Variants in RGS6 observed in about 807,000 individuals in gnomAD.
RGS6 encodes the protein regulator of G-protein signaling 6.
A neutral mutation model predicts 78.5 loss-of-function variants in RGS6; 30 were observed. The ratio of observed to expected loss-of-function variants is 0.38; its 90% CI spans 0.29 to 0.52. The LOEUF is 0.52. Ranked by LOEUF, RGS6 falls within the 20% of genes least tolerant of loss-of-function variation. The probability of loss-of-function intolerance (pLI) is 0.85; values close to 1 mark genes in which losing one functional copy is unlikely to be tolerated. For synonymous variants in RGS6, 206 were observed against 206.0 expected (o/e 1.00, Z 0.00); for missense variants, 495 against 609.7 (o/e 0.81, Z 1.98).
chr14:72,122,739 CG>C (rs768722763), intron 2 of RGS6, among the ~76,000 whole-genome samples: 188 of 125,316 alleles, frequency 1.5e-3, no homozygotes, highest in African/African-American at 5.2e-3. Flanking sequence ...TCTAAGTTAT[CG>C]TTTTTTTTTT....
chr14:72,168,984 C>G (rs2096969841), intron 2 of RGS6, among the ~76,000 whole-genome samples: 2 of 152,250 alleles, frequency 1.3e-5, no homozygotes, highest in Non-Finnish European at 2.9e-5. Context: ...AGAAGATAGT[C>G]TTCCTCACCT....
At chr14:72,502,124 A>G (rs536893624) in intron 13 of RGS6, among the ~76,000 whole-genome samples, 1 of 152,274 alleles carries the variant, frequency 6.6e-6, no homozygotes, top group East Asian at 1.9e-4. Flanking sequence ...GGTGGCTTCC[A>G]CCTTGGTCAT....
At chr14:71,925,578 T>C in the RGS6 span, among the ~76,000 whole-genome samples, 1 of 152,176 alleles carries the variant, frequency 6.6e-6, no homozygotes, top group Non-Finnish European at 1.5e-5. Flanking sequence ...TTGACTTTTG[T>C]CTATGGTGTA....
chr14:72,555,737 T>G (rs2097565516), intron 17 of RGS6, among the ~76,000 whole-genome samples: 1 of 152,238 alleles, frequency 6.6e-6, no homozygotes, highest in Non-Finnish European at 1.5e-5. Context: ...CCTTGTTCGT[T>G]TAGTGGAGTT....
intron 2 of RGS6, among the ~76,000 whole-genome samples, chr14:72,161,115 A>G (rs1229402269): frequency 6.6e-6 from 1 of 152,210 alleles, no homozygotes; most frequent in Non-Finnish European, 1.5e-5. Flanking sequence ...GCTGGAAACC[A>G]TCATTCTCAG....
At chr14:71,882,705 T>C in the RGS6 span, among the ~76,000 whole-genome samples, 193 of 152,376 alleles carry the variant, frequency 1.3e-3, no homozygotes, top group Non-Finnish European at 2.2e-3. Context: ...AAAAGAAAGC[T>C]AATCCAAGGT....
intron 2 of RGS6, among the ~76,000 whole-genome samples, chr14:72,166,959 A>G (rs180792482): frequency 7.4e-4 from 112 of 152,300 alleles, no homozygotes; most frequent in Non-Finnish European, 1.4e-3. Context: ...TGTTTTTGCC[A>G]GGTATTGTTT....
At chr14:72,201,486 G>T (rs189914076) in intron 2 of RGS6, among the ~76,000 whole-genome samples, 1 of 152,212 alleles carries the variant, frequency 6.6e-6, no homozygotes, top group East Asian at 1.9e-4. Flanking sequence ...CACTAAATTC[G>T]ACTTTTTAAA....
chr14:71,871,905 C>T, the RGS6 span, among the ~76,000 whole-genome samples: 1 of 152,038 alleles, frequency 6.6e-6, no homozygotes, highest in Non-Finnish European at 1.5e-5. Flanking sequence ...GTCCTGTCAC[C>T]CACTTACATC....
rs147071758 is a variant in RGS6 at position 72,299,076 on chromosome 14, A to G, written c.85-53019A>G. ...AATTTATTGGCATAAATTTGTTCAT[A>G]CAATTTCCATATTACCTTTTATTGT... On this transcript the variant is annotated intron_variant, in intron 2 of 17. Transcript: ENST00000553525. Among the ~76,000 whole-genome samples the G allele has an allele frequency of 5.9e-4, 90 of 152,320 alleles. No homozygotes were observed. The East Asian group carries it at 0.017, about 29-fold the overall frequency.
intron 1 of RGS6, among the ~76,000 whole-genome samples, chr14:71,944,485 G>T (rs2091174393): frequency 2.0e-5 from 3 of 152,158 alleles, no homozygotes; most frequent in Non-Finnish European, 4.4e-5. Context: ...CATTTCAGTT[G>T]TATTGGAGAG....
At chr14:72,502,993 C>A (rs944088328) in intron 13 of RGS6, among the ~76,000 whole-genome samples, 3 of 152,158 alleles carry the variant, frequency 2.0e-5, no homozygotes, top group Non-Finnish European at 4.4e-5. Context: ...AGCAAAAATG[C>A]CATATACTAT....
rs1196710267 is a variant in RGS6, at chr14:72,128,374, A to G, written c.84+163499A>G. 2.0e-5 allele frequency among the ~76,000 whole-genome samples: 3 copies of G among 152,196 alleles called. No homozygotes were observed. The East Asian group carries it at 5.8e-4, about 29-fold the overall frequency. On this transcript the variant is annotated intron_variant, in intron 2 of 17. Transcript: ENST00000553525. Reference sequence around the variant, plus strand: ...ATCAAACTTAAGTAAATTATTGGCCAGTGTCCACAATAGAATTTGTAAATA... The same window carrying G: ...ATCAAACTTAAGTAAATTATTGGCCGGTGTCCACAATAGAATTTGTAAATA...
chr14:71,982,241 C>G lies in RGS6; in HGVS notation c.84+17366C>G, dbSNP rs922181407. Among the ~76,000 whole-genome samples, 4 of 152,146 alleles carry G rather than the reference C, an allele frequency of 2.6e-5. No individual in the cohort carries two copies. In the East Asian group the frequency reaches 7.7e-4, roughly 29 times the overall value. ...CTCAGATGGAAATGCAGAAATCACC[C>G]GTCTTCTGCGTCGCTCAGGCTGGGA... On this transcript the variant is annotated intron_variant, in intron 2 of 17. Coordinates refer to ENST00000553525, the MANE Select transcript of RGS6 (RefSeq NM_001204424.2).
the RGS6 span, among the ~76,000 whole-genome samples, chr14:72,627,144 CA>C: frequency 6.6e-6 from 1 of 152,024 alleles, no homozygotes; most frequent in African/African-American, 2.4e-5. Flanking sequence ...TTTGACTATG[CA>C]AAATGTTTAT....
the RGS6 span, among the ~76,000 whole-genome samples, chr14:72,615,627 T>C: frequency 6.6e-6 from 1 of 152,138 alleles, no homozygotes; most frequent in Non-Finnish European, 1.5e-5. Context: ...CACAGGCTCT[T>C]CCCTGGTTCC....
chr14:71,868,749 GA>G, the RGS6 span, among the ~76,000 whole-genome samples: 1 of 152,186 alleles, frequency 6.6e-6, no homozygotes, highest in Admixed American at 6.5e-5. Flanking sequence ...GTCAACTTCA[GA>G]AGAGCACAAT....
At chr14:72,202,938 T>G (rs2041889411) in intron 2 of RGS6, among the ~76,000 whole-genome samples, 1 of 152,010 alleles carries the variant, frequency 6.6e-6, no homozygotes, top group Non-Finnish European at 1.5e-5. Flanking sequence ...AGTGGCGCCA[T>G]CTCTGCTCAC....
chr14:71,941,044 A>G (rs1444960307), intron 1 of RGS6, among the ~76,000 whole-genome samples: 1 of 152,164 alleles, frequency 6.6e-6, no homozygotes, highest in Non-Finnish European at 1.5e-5. Context: ...GTGTAATCTT[A>G]GCAGATTTGA....
Sources: allele counts gnomAD v4.1 joint callset (sites outside exome capture counted in the v4.1 genomes callset), GRCh38; gene constraint gnomAD v4.1.1; transcripts MANE v1.5; gene names NCBI Gene and HGNC (gene_info 2026-07-23, HGNC 2026-07-21).